The following ANO3 variants were observed in gnomAD, a reference collection of about 807,000 sequenced individuals.
ANO3 encodes the protein anoctamin 3.
Under a neutral mutation model 144.8 loss-of-function variants are expected in ANO3, and 99 were observed. That is an observed-to-expected ratio of 0.68 (90% CI 0.58 to 0.81). The LOEUF is 0.81. ANO3 is among the 30% of genes least tolerant of loss of function. ANO3 has a pLI of 0.00. For synonymous variants in ANO3, 414 were observed against 392.6 expected, an observed-to-expected ratio of 1.05 and a Z score of -0.64; for missense variants, 905 against 1,202.2, an observed-to-expected ratio of 0.75 and a Z score of 3.66.
chr11:26,557,335 C>T (rs949016279), intron 13 of ANO3, among the ~76,000 whole-genome samples: 6 of 151,690 alleles, frequency 4.0e-5, no homozygotes, highest in African/African-American at 1.5e-4. Context: ...GTGGCGGGCG[C>T]CTGTAGTCCC....
chr11:26,394,300 CAG>C (rs1302979524), intron 1 of ANO3, among the ~76,000 whole-genome samples: 1 of 152,008 alleles, frequency 6.6e-6, no homozygotes, highest in Non-Finnish European at 1.5e-5. Flanking sequence ...TTTAAAAAAT[CAG>C]AGAAATTTTG....
At chr11:26,469,003 G>A (rs1859689118) in intron 4 of ANO3, among the ~76,000 whole-genome samples, 1 of 151,880 alleles carries the variant, frequency 6.6e-6, no homozygotes, top group Non-Finnish European at 1.5e-5. Flanking sequence ...TTTTGTCCAT[G>A]TTTTTAAATG....
intron 1 of ANO3, 104 bp downstream of exon 1, chr11:26,332,425 G>T: frequency 9.4e-7 from 1 of 1,068,766 alleles, no homozygotes; most frequent in Non-Finnish European, 1.4e-6. Context: ...CGACACAGAG[G>T]TGGGGAACTC....
At chr11:26,380,337 T>A (rs1856556198) in intron 1 of ANO3, among the ~76,000 whole-genome samples, 1 of 152,220 alleles carries the variant, frequency 6.6e-6, no homozygotes, top group Non-Finnish European at 1.5e-5. Flanking sequence ...TTTAAAGGGA[T>A]TAGAATTAAG....
At chr11:26,226,761 G>A (rs1047762550) in intron 1 of ANO3, among the ~76,000 whole-genome samples, 1 of 151,812 alleles carries the variant, frequency 6.6e-6, no homozygotes, top group African/African-American at 2.4e-5. Context: ...CTAACTTTTT[G>A]TTTTTAAACT....
intron 1 of ANO3, among the ~76,000 whole-genome samples, chr11:26,361,559 A>G (rs1855925918): frequency 6.6e-6 from 1 of 152,190 alleles, no homozygotes; most frequent in African/African-American, 2.4e-5. Context: ...TGCAATAAAT[A>G]TACTTATTGT....
intron 1 of ANO3, among the ~76,000 whole-genome samples, chr11:26,269,752 G>C (rs950383876): frequency 6.6e-6 from 1 of 152,116 alleles, no homozygotes; most frequent in Admixed American, 6.5e-5. Context: ...TCACATTCAC[G>C]CTCTGCTACC....
At chr11:26,640,018 T>A (rs1853095989) in intron 21 of ANO3, among the ~76,000 whole-genome samples, 1 of 151,980 alleles carries the variant, frequency 6.6e-6, no homozygotes, top group Admixed American at 6.6e-5. Flanking sequence ...TATATTCTTT[T>A]TTTTTCTTGT....
At chr11:26,643,972 C>T (rs1025434310) in intron 23 of ANO3, among the ~76,000 whole-genome samples, 1 of 152,156 alleles carries the variant, frequency 6.6e-6, no homozygotes, top group African/African-American at 2.4e-5. Context: ...GATATTGAAC[C>T]TGCTGGTGCA....
chr11:26,591,916 T>G (rs1204387218), intron 14 of ANO3, among the ~76,000 whole-genome samples: 3 of 152,210 alleles, frequency 2.0e-5, no homozygotes, highest in African/African-American at 7.2e-5. Flanking sequence ...TAACCATGGT[T>G]GGGGTAGATA....
chr11:26,208,775 G>A (rs867041828), intron 1 of ANO3, among the ~76,000 whole-genome samples: 10 of 152,086 alleles, frequency 6.6e-5, no homozygotes, highest in Admixed American at 3.9e-4. Context: ...ACTGCTCAAA[G>A]AAACTTTTTA....
chr11:26,433,730 T>C (rs1858198382), intron 1 of ANO3, among the ~76,000 whole-genome samples: 1 of 152,206 alleles, frequency 6.6e-6, no homozygotes. Context: ...GAACCAACCT[T>C]GAATCCCAGG....
chr11:26,292,525 T>A (rs1208114460), intron 1 of ANO3, among the ~76,000 whole-genome samples: 1 of 152,220 alleles, frequency 6.6e-6, no homozygotes, highest in Non-Finnish European at 1.5e-5. Context: ...TTTTCCGCTC[T>A]GGTTTCTCCC....
At chr11:26,577,106 A>T (rs776754461) in intron 14 of ANO3, among the ~76,000 whole-genome samples, 75 of 152,284 alleles carry the variant, frequency 4.9e-4, no homozygotes, top group Admixed American at 3.5e-3. Context: ...CCATTTCACA[A>T]GAAGAGTTGG....
intron 1 of ANO3, among the ~76,000 whole-genome samples, chr11:26,341,506 T>C (rs1404368439): frequency 6.6e-6 from 1 of 152,194 alleles, no homozygotes; most frequent in Admixed American, 6.5e-5. Flanking sequence ...TTTTTTAAAG[T>C]ATTTTGCTTA....
At chr11:26,618,946 A>G (rs541805427) in intron 17 of ANO3, among the ~76,000 whole-genome samples, 1 of 152,144 alleles carries the variant, frequency 6.6e-6, no homozygotes, top group East Asian at 1.9e-4. Context: ...TTGTTTGGAC[A>G]TGTCAATTAT....
intron 17 of ANO3, among the ~76,000 whole-genome samples, chr11:26,611,476 G>A (rs77541995): frequency 0.011 from 1,678 of 152,170 alleles, 35 homozygotes; most frequent in African/African-American, 0.038. Context: ...AAGGATACTC[G>A]ATATGATCTC....
At chr11:26,448,405 C>A (rs1858789889) in intron 3 of ANO3, among the ~76,000 whole-genome samples, 1 of 151,816 alleles carries the variant, frequency 6.6e-6, no homozygotes, top group South Asian at 2.1e-4. Context: ...ATGAAATCAA[C>A]ATTTTGCTAA....
intron 14 of ANO3, among the ~76,000 whole-genome samples, chr11:26,570,509 G>A (rs1446942862): frequency 6.6e-6 from 1 of 151,956 alleles, no homozygotes; most frequent in Non-Finnish European, 1.5e-5. Flanking sequence ...CCCATATAAG[G>A]GCAAAGAAAT....
Sources: gnomAD v4.1 joint callset for allele counts (sites outside exome capture counted in the v4.1 genomes callset) on GRCh38, gnomAD v4.1.1 for gene constraint, MANE v1.5 for transcripts, NCBI Gene and HGNC (gene_info 2026-07-23, HGNC 2026-07-21) for gene names.